Variants in MYCT1 observed in about 807,000 individuals in gnomAD.
MYCT1 encodes myc target protein 1.
Under a neutral mutation model 15.0 loss-of-function variants are expected in MYCT1, and 12 were observed. The ratio of observed to expected loss-of-function variants is 0.80; its 90% CI spans 0.51 to 1.29. MYCT1 has a LOEUF of 1.29. Among genes scored for constraint, MYCT1 ranks in the 50% most tolerant of loss-of-function variants. MYCT1 has a pLI of 0.00. For synonymous variants in MYCT1, 104 were observed against 102.7 expected (o/e 1.01, Z -0.07); for missense variants, 287 against 279.1 (o/e 1.03, Z -0.20).
chr6:152,722,306 G>A lies in MYCT1; in HGVS notation c.*53G>A. 6.6e-7 allele frequency: 1 copy of A among 1,525,094 alleles called. No homozygotes were observed. The highest frequency in any genetic ancestry group is 1.3e-5 in the South Asian group (1 of 77,632). 94.5% of individuals were successfully genotyped at this position (1,525,094 alleles called of 1,614,324 possible). On this transcript the variant is annotated 3_prime_UTR_variant, in exon 2 of 2. Coordinates refer to ENST00000367245, the MANE Select transcript of MYCT1 (RefSeq NM_025107.3). ...TTCTTGTCTTGTCTTTTATTGAAAG[G>A]AAATCAAAAATAGGCTAAACAGAAT...
chr6:152,708,478 A>G (rs565269723), intron 1 of MYCT1, among the ~76,000 whole-genome samples: 1 of 152,158 alleles, frequency 6.6e-6, no homozygotes, highest in African/African-American at 2.4e-5. Context: ...CAAAACTTTG[A>G]GACCAGCCTG....
chr6:152,728,132 C>T (rs1488585343), downstream of MYCT1, among the ~76,000 whole-genome samples: 1 of 151,264 alleles, frequency 6.6e-6, no homozygotes, highest in African/African-American at 2.4e-5. Context: ...CCACTGCACT[C>T]CAGCCTGGGC....
At chr6:152,726,091 G>C (rs1308458170), downstream of MYCT1, among the ~76,000 whole-genome samples, 1 of 131,668 alleles carries the variant, frequency 7.6e-6, no homozygotes, top group Non-Finnish European at 1.7e-5. Flanking sequence ...AAATTCACCC[G>C]AGTACCAGTT....
chr6:152,722,439 G>A lies in MYCT1; in HGVS notation c.*186G>A, dbSNP rs184992247. 6.2e-4 allele frequency: 351 copies of A among 568,326 alleles called. 1 individual carries two copies. The African/African-American group carries it at 6.3e-3, about 10-fold the overall frequency. The allele number at this position is 568,326 out of a possible 1,614,324, so 35.2% of individuals were successfully genotyped here. On this transcript the variant is annotated 3_prime_UTR_variant, in exon 2 of 2. Transcript: ENST00000367245. ...TTTCTTCAAACACGTTTTCCCTTTT[G>A]TTTCAAAAAATGTAATATTTTCCCC... is the stretch of plus-strand genomic sequence containing the variant.
intron 1 of MYCT1, among the ~76,000 whole-genome samples, chr6:152,708,616 C>T (rs2099722696): frequency 6.6e-6 from 1 of 151,982 alleles, no homozygotes; most frequent in African/African-American, 2.4e-5. Flanking sequence ...TCTATATAAA[C>T]TATACATTTC....
the MYCT1 span, among the ~76,000 whole-genome samples, chr6:152,745,667 G>A: frequency 0.095 from 14,416 of 152,172 alleles, 803 homozygotes; most frequent in African/African-American, 0.15. Flanking sequence ...TGGGCACTTT[G>A]GAGATGGTCT....
downstream of MYCT1, among the ~76,000 whole-genome samples, chr6:152,725,836 C>T (rs1410650328): frequency 1.3e-5 from 2 of 152,174 alleles, no homozygotes; most frequent in African/African-American, 4.8e-5. Flanking sequence ...CTATACTAGC[C>T]ATGTGGGACT....
At chr6:152,698,608 G>A (rs959728430) in intron 1 of MYCT1, among the ~76,000 whole-genome samples, 6 of 152,046 alleles carry the variant, frequency 3.9e-5, no homozygotes, top group African/African-American at 1.4e-4. Context: ...AATAACATCT[G>A]TACTTAAATG....
chr6:152,733,601 G>C, the MYCT1 span, among the ~76,000 whole-genome samples: 20 of 152,180 alleles, frequency 1.3e-4, no homozygotes, highest in African/African-American at 4.6e-4. Flanking sequence ...TTTTCAAGAA[G>C]TTGCTAGTCA....
chr6:152,716,665 A>G (rs1266575563), intron 1 of MYCT1, among the ~76,000 whole-genome samples: 1 of 152,208 alleles, frequency 6.6e-6, no homozygotes, highest in East Asian at 1.9e-4. Context: ...TGAGGAAATT[A>G]CACAACTATT....
At position 152,708,867 on chromosome 6, in the gene MYCT1, T is replaced by A. The variant is rs1343378419; in HGVS notation, c.196+10769T>A. 5.5e-5 allele frequency among the ~76,000 whole-genome samples: 4 copies of A among 72,218 alleles called. 2 individuals are homozygous for A. The highest frequency in any genetic ancestry group is 1.3e-4 in the Non-Finnish European group (4 of 30,220). 47.4% of individuals were successfully genotyped at this position (72,218 alleles called of 152,430 possible). On this transcript the variant is annotated intron_variant, in intron 1 of 1. Coordinates refer to ENST00000367245, the MANE Select transcript of MYCT1 (RefSeq NM_025107.3). ...AAGAGTATTTATTTTTTTATTTTTT[T>A]TTTTATTATACTCTAAGTTTTAGGG...
chr6:152,718,201 T>C (rs955715159), intron 1 of MYCT1, among the ~76,000 whole-genome samples: 1 of 152,158 alleles, frequency 6.6e-6, no homozygotes, highest in African/African-American at 2.4e-5. Context: ...ATCTTTTTAG[T>C]TCCCAAACTG....
intron 1 of MYCT1, among the ~76,000 whole-genome samples, chr6:152,716,145 G>A (rs896490601): frequency 3.3e-5 from 5 of 152,148 alleles, no homozygotes; most frequent in African/African-American, 1.2e-4. Flanking sequence ...CGCAGAGTGG[G>A]TAGTGAGAAG....
At chr6:152,713,371 C>G (rs1364191914) in intron 1 of MYCT1, among the ~76,000 whole-genome samples, 1 of 152,012 alleles carries the variant, frequency 6.6e-6, no homozygotes, top group Non-Finnish European at 1.5e-5. Flanking sequence ...CTAATTATGT[C>G]TGGATCATCT....
chr6:152,728,024 C>T (rs1313622631), downstream of MYCT1, among the ~76,000 whole-genome samples: 11 of 151,866 alleles, frequency 7.2e-5, no homozygotes, highest in Non-Finnish European at 5.9e-5. Context: ...ATTAGCCAGG[C>T]GTGGTGGTGT....
intron 1 of MYCT1, among the ~76,000 whole-genome samples, chr6:152,708,713 T>C (rs1201424580): frequency 2.6e-5 from 4 of 152,116 alleles, no homozygotes; most frequent in South Asian, 2.1e-4. Flanking sequence ...TTTACTCTGA[T>C]ACTATTTCTG....
intron 1 of MYCT1, among the ~76,000 whole-genome samples, chr6:152,705,156 T>C (rs2099722044): frequency 6.6e-6 from 1 of 152,188 alleles, no homozygotes; most frequent in Non-Finnish European, 1.5e-5. Flanking sequence ...GTTGAAAATA[T>C]CAGGTTGAAA....
intron 1 of MYCT1, chr6:152,705,928 G>A (rs1232185686): frequency 1.3e-6 from 1 of 770,608 alleles, no homozygotes; most frequent in Admixed American, 1.7e-5. Flanking sequence ...GCTATGGTCA[G>A]AGATTTTGTG....
At chr6:152,741,750 G>A in the MYCT1 span, among the ~76,000 whole-genome samples, 42 of 151,996 alleles carry the variant, frequency 2.8e-4, no homozygotes, top group African/African-American at 7.2e-4. Flanking sequence ...TTAAAAATAC[G>A]TCCCAATATA....
Sources: gnomAD v4.1 joint callset for allele counts (sites outside exome capture counted in the v4.1 genomes callset) on GRCh38, gnomAD v4.1.1 for gene constraint, MANE v1.5 for transcripts, NCBI Gene and HGNC (gene_info 2026-07-23, HGNC 2026-07-21) for gene names.